Variants in TOPAZ1 observed in about 807,000 individuals in gnomAD.
TOPAZ1 encodes testis and ovary specific TOPAZ 1.
Under a neutral mutation model 172.2 loss-of-function variants are expected in TOPAZ1, and 66 were observed. That is an observed-to-expected ratio of 0.38 (90% CI 0.31 to 0.47). The LOEUF (loss-of-function observed/expected upper bound fraction) is 0.47. Ranked by LOEUF, TOPAZ1 falls within the 20% of genes least tolerant of loss-of-function variation. The pLI is 0.99. For synonymous variants in TOPAZ1, 681 were observed against 683.9 expected (o/e 1.00, Z 0.07); for missense variants, 1,822 against 1,972.4 (o/e 0.92, Z 1.44).
intron 3 of TOPAZ1, among the ~76,000 whole-genome samples, chr3:44,255,541 A>G (rs1034342820): frequency 6.6e-6 from 1 of 151,550 alleles, no homozygotes; most frequent in Non-Finnish European, 1.5e-5. Context: ...AGTCCCAGCT[A>G]CTTGGGAGGC....
chr3:44,296,326 A>G (rs1700193075), intron 12 of TOPAZ1, among the ~76,000 whole-genome samples: 1 of 152,194 alleles, frequency 6.6e-6, no homozygotes, highest in African/African-American at 2.4e-5. Flanking sequence ...AGCTAAGAAT[A>G]TGAATCAATG....
At chr3:44,336,490 C>T (rs145641664), downstream of TOPAZ1, among the ~76,000 whole-genome samples, 3 of 152,280 alleles carry the variant, frequency 2.0e-5, no homozygotes, top group African/African-American at 7.2e-5. Flanking sequence ...TGGGATCATC[C>T]ACAGAGATGG....
chr3:44,262,523 C>A, intron 5 of TOPAZ1, 40 bp downstream of exon 5: 3 of 1,047,692 alleles, frequency 2.9e-6, no homozygotes, highest in South Asian at 3.0e-5. Context: ...TTAAAATAGT[C>A]ACTCATCTAA....
intron 19 of TOPAZ1, among the ~76,000 whole-genome samples, chr3:44,331,538 G>A (rs544868418): frequency 6.6e-6 from 1 of 152,198 alleles, no homozygotes; most frequent in African/African-American, 2.4e-5. Context: ...TGTTGCTCAG[G>A]CTGATCTTGA....
intron 7 of TOPAZ1, among the ~76,000 whole-genome samples, chr3:44,269,643 G>A (rs1355796176): frequency 1.3e-5 from 2 of 149,508 alleles, no homozygotes; most frequent in Admixed American, 6.7e-5. Context: ...TTTTTGAGAC[G>A]GAGTCTTGCT....
Position 44,242,310 on chromosome 3 carries a change from GGGGCCC to G in TOPAZ1, c.260_265del (p.Gly87_Pro88del), listed in dbSNP as rs1699492167. On this transcript the variant is annotated inframe_deletion, in exon 1 of 20. Coordinates refer to ENST00000309765, the MANE Select transcript of TOPAZ1 (RefSeq NM_001145030.2). Reference sequence around the variant, plus strand: ...GCAAGGCGTCAGGTGGAGGGGCGCAGGGGCCCGGTGAGCCCGTCAGACTCGTCAGAC... The same window carrying G: ...GCAAGGCGTCAGGTGGAGGGGCGCAGGGTGAGCCCGTCAGACTCGTCAGAC... The G allele has an allele frequency of 6.4e-7, 1 of 1,551,746 alleles. No homozygotes were observed. The highest frequency in any genetic ancestry group is 8.7e-7 in the Non-Finnish European group (1 of 1,146,960).
At chr3:44,329,460 A>G (rs764492148) in intron 19 of TOPAZ1, among the ~76,000 whole-genome samples, 1 of 152,196 alleles carries the variant, frequency 6.6e-6, no homozygotes, top group Non-Finnish European at 1.5e-5. Context: ...ACTGACAGCT[A>G]ATTTCTCCCA....
At chr3:44,327,024 G>C (rs1700607954) in intron 18 of TOPAZ1, among the ~76,000 whole-genome samples, 1 of 152,166 alleles carries the variant, frequency 6.6e-6, no homozygotes, top group South Asian at 2.1e-4. Context: ...TAGGGAGGTG[G>C]GAATACCTAG....
intron 9 of TOPAZ1, among the ~76,000 whole-genome samples, chr3:44,284,196 T>C (rs1389677429): frequency 1.3e-5 from 2 of 152,218 alleles, no homozygotes; most frequent in Non-Finnish European, 2.9e-5. Flanking sequence ...CAATGTTGTG[T>C]AACCATCACC....
At chr3:44,315,183 T>G (rs1700437843) in intron 16 of TOPAZ1, among the ~76,000 whole-genome samples, 1 of 149,238 alleles carries the variant, frequency 6.7e-6, no homozygotes, top group Admixed American at 6.7e-5. Flanking sequence ...AGGAAATGGT[T>G]GCAGGTTTTG....
chr3:44,265,817 A>C (rs1046427879), intron 5 of TOPAZ1, among the ~76,000 whole-genome samples: 2 of 152,152 alleles, frequency 1.3e-5, no homozygotes, highest in African/African-American at 4.8e-5. Flanking sequence ...GGATTTTTGG[A>C]ATGGTTAAAG....
At chr3:44,293,595 G>A (rs1700163343) in intron 12 of TOPAZ1, among the ~76,000 whole-genome samples, 1 of 152,168 alleles carries the variant, frequency 6.6e-6, no homozygotes, top group Non-Finnish European at 1.5e-5. Flanking sequence ...AGGATATAGA[G>A]AACATGCTTT....
Position 44,332,072 on chromosome 3 carries a change from C to CA in TOPAZ1, c.*63dup. On this transcript the variant is annotated 3_prime_UTR_variant, in exon 20 of 20. Transcript: ENST00000309765. Reference sequence around the variant, plus strand: ...AGTAATCATTGTTGAAAATAAAAGGCAATAAAAATAGACAGTTTTCACTAT... The same window carrying CA: ...AGTAATCATTGTTGAAAATAAAAGGCAAATAAAAATAGACAGTTTTCACTAT... 8.4e-7 allele frequency: 1 copy of CA among 1,191,870 alleles called. No individual in the cohort carries two copies. The allele number at this position is 1,191,870 out of a possible 1,614,324, so 73.8% of individuals were successfully genotyped here. A position where few individuals can be genotyped will look rare whatever the true frequency, so the allele number is the denominator to read the frequency against.
chr3:44,289,971 T>A (rs1575722799), intron 11 of TOPAZ1, among the ~76,000 whole-genome samples: 2 of 152,144 alleles, frequency 1.3e-5, no homozygotes, highest in Non-Finnish European at 1.5e-5. Context: ...CTCAGTTGAG[T>A]CATTCTTAAC....
chr3:44,333,712 G>A (rs545932207), downstream of TOPAZ1, among the ~76,000 whole-genome samples: 13 of 152,316 alleles, frequency 8.5e-5, 1 homozygote, highest in South Asian at 2.1e-3. Context: ...GCCAAAAGAT[G>A]GGAAAGGAGT....
intron 3 of TOPAZ1, 43 bp downstream of exon 3, chr3:44,255,072 C>T: frequency 7.2e-7 from 1 of 1,392,188 alleles, no homozygotes; most frequent in Non-Finnish European, 1.0e-6. Flanking sequence ...TGAAGCATCT[C>T]TTTATATCTC....
chr3:44,243,771 C>A lies in TOPAZ1; in HGVS notation c.1265C>A (p.Pro422Gln). Residue 422 changes from proline (P) to glutamine (Q), a missense_variant, in exon 2 of 20, where the codon CCA becomes CAA. By Grantham distance (76) the Pro-to-Gln change is moderately conservative. This residue lies in a region of TOPAZ1 where 1,489 missense variants were observed against 1,490.8 expected (regional missense o/e 1.00). Transcript: ENST00000309765. ...VNAVFQKTIE[P>Q]LLKEETENAS... is the part of the protein sequence containing the mutation. ...GCTGTGTTTCAGAAAACCATTGAAC[C>A]ACTTTTGAAAGAAGAAACAGAGAAT... The A allele has an allele frequency of 6.4e-7, 1 of 1,551,668 alleles. No homozygotes were observed.
chr3:44,244,532 G>T lies in TOPAZ1; in HGVS notation c.2026G>T (p.Val676Phe). The change falls in exon 2 of 20, where the codon GTT becomes TTT. Residue 676 changes from valine to phenylalanine, a missense_variant. Physicochemically the swap from Val to Phe is conservative, Grantham distance 50. Coordinates refer to ENST00000309765, the MANE Select transcript of TOPAZ1 (RefSeq NM_001145030.2). Reference protein sequence around the residue: ...AQQTFIVPDLVKILNTGRLTN... With the variant: ...AQQTFIVPDLFKILNTGRLTN... ...ACAAACATTTATAGTTCCAGACTTG[G>T]TTAAAATATTGAACACAGGACGGCT... 1 of 1,550,990 alleles carries T rather than the reference G, an allele frequency of 6.4e-7. No individual in the cohort carries two copies. Among genetic ancestry groups the T allele is most frequent in the Non-Finnish European group, 8.7e-7 (1 of 1,146,844 alleles).
intron 4 of TOPAZ1, among the ~76,000 whole-genome samples, chr3:44,260,754 T>G (rs1699766509): frequency 6.6e-6 from 1 of 152,150 alleles, no homozygotes; most frequent in Admixed American, 6.6e-5. Flanking sequence ...ATATTTGATT[T>G]GTTTTGCTAT....
Sources: allele counts gnomAD v4.1 joint callset (sites outside exome capture counted in the v4.1 genomes callset), GRCh38; gene constraint gnomAD v4.1.1; regional missense constraint gnomAD v4.1.1; transcripts MANE v1.5; gene names NCBI Gene and HGNC (gene_info 2026-07-23, HGNC 2026-07-21).